Variants in USP19 observed in about 807,000 individuals in gnomAD.
The protein encoded by USP19 is ubiquitin specific peptidase 19, also known as ubiquitin carboxyl-terminal hydrolase 19.
In USP19, 40 loss-of-function variants were observed where a neutral mutation model predicts 144.8. That is an observed-to-expected ratio of 0.28 (90% CI 0.21 to 0.36). The LOEUF is 0.36. USP19 is among the 10% of genes least tolerant of loss of function. The probability of loss-of-function intolerance (pLI) is 1.00; values close to 1 mark genes in which losing one functional copy is unlikely to be tolerated. For synonymous variants in USP19, 701 were observed against 709.3 expected (o/e 0.99, Z 0.19); for missense variants, 1,518 against 1,822.5 (o/e 0.83, Z 3.04).
At position 49,110,233 on chromosome 3, in the gene USP19, G is replaced by A. The variant is rs751504177; in HGVS notation, c.3989C>T (p.Ser1330Phe). Residue 1330 changes from serine to phenylalanine, a missense_variant, in exon 26 of 27, where the codon TCT (serine) becomes TTT (phenylalanine). By Grantham distance (155) the Ser-to-Phe change is radical. Coordinates refer to ENST00000417901, the MANE Select transcript of USP19 (RefSeq NM_001199161.2). This position sits in a 1 kb window ranked among gnomAD's most constrained non-coding sequence, Gnocchi z 6.1. ...AGGGCCTAGGTCTGGGTGGTGCTCA[G>A]AGTGACCTGCCCTGGGGGGCCTCTC... is the stretch of plus-strand genomic sequence containing the variant. ...PVERPPRAGH[S>F]EHHPDLGPAA... 2 of 1,578,702 alleles carry A rather than the reference G, an allele frequency of 1.3e-6. No individual in the cohort carries two copies.
rs1429240441 is a variant in USP19 at position 49,111,742 on chromosome 3, C to T, written c.2975G>A (p.Cys992Tyr). The change falls in exon 21 of 27, where the codon TGC becomes TAC. Residue 992 changes from cysteine to tyrosine, a missense_variant. Cys to Tyr is a radical substitution (Grantham distance 194). Transcript: ENST00000417901. This position sits in a 1 kb window ranked among gnomAD's most constrained non-coding sequence, Gnocchi z 5.9. ...RMALESQSPG[C>Y]TTLLSTGSLE... ...GGAACCTGTGGAGAGCAGTGTGGTG[C>T]AGCCAGGGCTCTGAGACTCCAAGGC... 2 of 1,559,746 alleles carry T rather than the reference C, an allele frequency of 1.3e-6. No individual in the cohort carries two copies. The highest frequency in any genetic ancestry group is 2.3e-5 in the East Asian group (1 of 44,390).
chr3:49,120,248 G>A (rs2044976033), intron 1 of USP19, among the ~76,000 whole-genome samples: 1 of 152,196 alleles, frequency 6.6e-6, no homozygotes. Flanking sequence ...TCCCCTAAGT[G>A]TGTAAAGGAG....
At chr3:49,109,109 CCCCAGGGA>C (rs1559981834) in intron 26 of USP19, 3 of 1,570,524 alleles carry the variant, frequency 1.9e-6, no homozygotes, top group East Asian at 2.3e-5. Context: ...GTCTTGGGGC[CCCCAGGGA>C]CCCAGGGGCC....
At chr3:49,119,591 G>A (rs903225143) in intron 1 of USP19, among the ~76,000 whole-genome samples, 4 of 152,200 alleles carry the variant, frequency 2.6e-5, no homozygotes, top group African/African-American at 7.2e-5. Flanking sequence ...GAGGAGCCAC[G>A]GCTCCAGCCC....
In USP19 at chr3:49,116,635, A is replaced by G. The variant is rs200322883; in HGVS notation, c.1127-28T>C. The G allele has an allele frequency of 2.0e-3, 3,273 of 1,613,800 alleles. 6 individuals are homozygous for G. Among genetic ancestry groups the G allele is most frequent in the Non-Finnish European group, 2.7e-3 (3,143 of 1,179,820 alleles). ...ATATTGAGACCATGGCTCAGCCCCA[A>G]CCAGGACAGGTTCCAGCCTATTGCT... On this transcript the variant is annotated intron_variant, in intron 7 of 26. Transcript: ENST00000417901. This position sits in a 1 kb window ranked among gnomAD's most constrained non-coding sequence, Gnocchi z 5.0.
chr3:49,114,884 G>C lies in USP19; in HGVS notation c.2182-11C>G. ...TTCCTCAGCTACCACCTGAGAGGCA[G>C]AGTGGTGAGAACCAAAGAGTACCAG... On this transcript the variant is annotated splice_polypyrimidine_tract_variant and intron_variant, in intron 14 of 26. Coordinates refer to ENST00000417901, the MANE Select transcript of USP19 (RefSeq NM_001199161.2). The surrounding 1 kb of genome is among the most constrained non-coding windows in gnomAD (Gnocchi z 4.5). 1 of 1,614,168 alleles carries C rather than the reference G, an allele frequency of 6.2e-7. No homozygotes were observed. The highest frequency in any genetic ancestry group is 1.7e-5 in the Admixed American group (1 of 60,016).
rs748807305 is a variant in USP19 at position 49,116,813 on chromosome 3, G to A, written c.1040C>T (p.Ala347Val). The A allele has an allele frequency of 1.2e-6, 2 of 1,613,970 alleles. No individual in the cohort carries two copies. The highest frequency in any genetic ancestry group is 1.7e-5 in the Admixed American group (1 of 60,000). ...VPPGNDPVSP[A>V]MVRSRNPGKD... ...CCCAGGGTTTCTGCTCCGGACCATG[G>A]CTGGAGAGACTGGGTCATTCCCGGG... is the stretch of plus-strand genomic sequence containing the variant. The change falls in exon 7 of 27, where the codon GCC becomes GTC. Residue 347 changes from alanine to valine, a missense_variant. Around this residue, in one of 5 missense-constraint regions of USP19, gnomAD observed 707 missense variants for 728.9 expected, o/e 0.97. Coordinates refer to ENST00000417901, the MANE Select transcript of USP19 (RefSeq NM_001199161.2). The surrounding 1 kb of genome is among the most constrained non-coding windows in gnomAD (Gnocchi z 5.0).
At position 49,115,013 on chromosome 3, in the gene USP19, G is replaced by C; in HGVS notation, c.2127C>G (p.Arg709=). 3 of 1,614,148 alleles carry C rather than the reference G, an allele frequency of 1.9e-6. No homozygotes were observed. Among genetic ancestry groups the C allele is most frequent in the Non-Finnish European group, 2.5e-6 (3 of 1,180,028 alleles). The part of the protein sequence containing the change: ...LLDGLHEDLN[R]IQNKPYTETV... The stretch of plus-strand genomic sequence containing the variant: ...TCTCTGTGTAGGGCTTGTTCTGAAT[G>C]CGATTCAGGTCCTCGTGCAGCCCAT... Residue 709 remains arginine (R), a synonymous_variant, in exon 14 of 27, where the codon CGC becomes CGG. Transcript: ENST00000417901. The surrounding 1 kb of genome is among the most constrained non-coding windows in gnomAD (Gnocchi z 6.6).
chr3:49,109,218 G>T lies in USP19; in HGVS notation c.4039-690C>A, dbSNP rs547689868. On this transcript the variant is annotated intron_variant, in intron 26 of 26. Transcript: ENST00000417901. ...ATGTGGAAACGGCCATCAGCACCCC[G>T]GGGGTGGGGAGGACCCAGTGTCCCT... The T allele has an allele frequency of 2.0e-5, 29 of 1,452,758 alleles. No homozygotes were observed. The Admixed American group carries it at 2.6e-4, about 13-fold the overall frequency. 90.0% of individuals were successfully genotyped at this position (1,452,758 alleles called of 1,614,324 possible). A position where few individuals can be genotyped will look rare whatever the true frequency, so the allele number is the denominator to read the frequency against.
Position 49,111,798 on chromosome 3 carries a change from T to C in USP19, c.2919A>G (p.Val973=), listed in dbSNP as rs777770488. The change falls in exon 21 of 27, where the codon GTA becomes GTG. Residue 973 remains valine (V), a synonymous_variant. Transcript: ENST00000417901. This position sits in a 1 kb window ranked among gnomAD's most constrained non-coding sequence, Gnocchi z 5.9. ...GGCCTGGCTGAAAGGGTGGCTGGAA[T>C]ACACTCACAGAGTACCTGGCAACAG... The part of the protein sequence containing the change: ...LEGYARYSVS[V]FQPPFQPGRM... The C allele has an allele frequency of 6.4e-7, 1 of 1,562,250 alleles. No individual in the cohort carries two copies. Among genetic ancestry groups the C allele is most frequent in the Non-Finnish European group, 8.7e-7 (1 of 1,152,436 alleles).
chr3:49,112,211 G>C lies in USP19; in HGVS notation c.2765+73C>G. On this transcript the variant is annotated intron_variant, in intron 19 of 26. Transcript: ENST00000417901. The surrounding 1 kb of genome is among the most constrained non-coding windows in gnomAD (Gnocchi z 4.9). ...AGAAAGCTTAAGCATATGTGCCTTG[G>C]TGTGAAGGGAAGGAGCAGGGTGGCA... The C allele has an allele frequency of 1.9e-6, 3 of 1,556,302 alleles. No individual in the cohort carries two copies. Among genetic ancestry groups the C allele is most frequent in the South Asian group, 2.3e-5 (2 of 85,604 alleles).
chr3:49,119,234 A>G lies in USP19; in HGVS notation c.-89T>C. 1 of 1,508,058 alleles carries G rather than the reference A, an allele frequency of 6.6e-7. No individual in the cohort carries two copies. Among genetic ancestry groups the G allele is most frequent in the East Asian group, 2.3e-5 (1 of 43,696 alleles). 93.4% of individuals were successfully genotyped at this position (1,508,058 alleles called of 1,614,324 possible). On this transcript the variant is annotated 5_prime_UTR_variant, in exon 2 of 27. Transcript: ENST00000417901. ...GCGGCGCTTTCTTCCTGGCCCAGCT[A>G]TCTTGGCAACTCTTTGTGGCCAAAT...
Position 49,108,875 on chromosome 3 carries a change from C to T in USP19, c.4039-347G>A. The T allele has an allele frequency of 1.3e-6, 2 of 1,505,334 alleles. No homozygotes were observed. Among genetic ancestry groups the T allele is most frequent in the South Asian group, 1.4e-5 (1 of 74,000 alleles). The allele number at this position is 1,505,334 out of a possible 1,614,324, so 93.2% of individuals were successfully genotyped here. A position where few individuals can be genotyped will look rare whatever the true frequency, so the allele number is the denominator to read the frequency against. On this transcript the variant is annotated intron_variant, in intron 26 of 26. Coordinates refer to ENST00000417901, the MANE Select transcript of USP19 (RefSeq NM_001199161.2). This position sits in a 1 kb window ranked among gnomAD's most constrained non-coding sequence, Gnocchi z 4.8. The stretch of plus-strand genomic sequence containing the variant: ...AGATGCATAAGCTGAGGCCCAAAGC[C>T]CAGAGGTGTTCCCCACAACAAAGGC...
At chr3:49,118,254 A>T in intron 2 of USP19, 134 bp from the exon 3 acceptor site, 11 of 339,914 alleles carry the variant, frequency 3.2e-5, no homozygotes, top group South Asian at 6.5e-5. Flanking sequence ...TGCAAGAGTG[A>T]GACCCTGCCT....
rs972170595 is a variant in USP19 at position 49,116,078 on chromosome 3, G to C, written c.1440C>G (p.Arg480=). ...CAGCCGGGGCCTCCAGGCCCCCCCA[G>C]CGCTGACTCTGCCTCTTACGAAGGC... ...DICLRKRQSQ[R]WGGLEAPAAR... is the part of the protein sequence containing the mutation. Residue 480 remains arginine (R), a synonymous_variant, in exon 10 of 27, where the codon CGC becomes CGG. Transcript: ENST00000417901. The surrounding 1 kb of genome is among the most constrained non-coding windows in gnomAD (Gnocchi z 5.0). 1.2e-6 allele frequency: 2 copies of C among 1,611,480 alleles called. No individual in the cohort carries two copies. The highest frequency in any genetic ancestry group is 1.3e-5 in the African/African-American group (1 of 74,720).
chr3:49,116,977 C>T lies in USP19; in HGVS notation c.910-34G>A. ...GGCAAGATTGTGGAAAGAATCAGCCCTGGGTCTGCCAGGTGGCTCCCACTC... is the reference window on the plus strand; with the variant it reads ...GGCAAGATTGTGGAAAGAATCAGCCTTGGGTCTGCCAGGTGGCTCCCACTC... On this transcript the variant is annotated intron_variant, in intron 6 of 26. Transcript: ENST00000417901. The surrounding 1 kb of genome is among the most constrained non-coding windows in gnomAD (Gnocchi z 5.0). 8.8e-6 allele frequency: 14 copies of T among 1,598,264 alleles called. No homozygotes were observed. Among genetic ancestry groups the T allele is most frequent in the Non-Finnish European group, 1.1e-5 (13 of 1,170,884 alleles).
At position 49,110,245 on chromosome 3, in the gene USP19, C is replaced by G; in HGVS notation, c.3977G>C (p.Arg1326Thr). The stretch of plus-strand genomic sequence containing the variant: ...TGGGTGGTGCTCAGAGTGACCTGCC[C>G]TGGGGGGCCTCTCCACAGGAGAGTT... ...RRNSPVERPP[R>T]AGHSEHHPDL... Residue 1326 changes from arginine (R) to threonine (T), a missense_variant, in exon 26 of 27, where the codon AGG becomes ACG. Transcript: ENST00000417901. The surrounding 1 kb of genome is among the most constrained non-coding windows in gnomAD (Gnocchi z 6.1). The G allele has an allele frequency of 1.3e-6, 2 of 1,592,862 alleles. No homozygotes were observed. The highest frequency in any genetic ancestry group is 1.7e-6 in the Non-Finnish European group (2 of 1,168,096).
Position 49,117,902 on chromosome 3 carries a change from G to GC in USP19, c.298+44dup. The GC allele has an allele frequency of 6.2e-7, 1 of 1,613,060 alleles. No homozygotes were observed. Among genetic ancestry groups the GC allele is most frequent in the Non-Finnish European group, 8.5e-7 (1 of 1,179,720 alleles). On this transcript the variant is annotated intron_variant, in intron 3 of 26. Coordinates refer to ENST00000417901, the MANE Select transcript of USP19 (RefSeq NM_001199161.2). This position sits in a 1 kb window ranked among gnomAD's most constrained non-coding sequence, Gnocchi z 4.4. ...TTCAGATGGGAGCCAAATTGCAAGTGCCCCCTCCCCTTCCCTAGCAACAAA... is the reference window on the plus strand; with the variant it reads ...TTCAGATGGGAGCCAAATTGCAAGTGCCCCCCTCCCCTTCCCTAGCAACAAA...
chr3:49,111,662 C>G lies in USP19; in HGVS notation c.3055G>C (p.Val1019Leu). ...DPIQPPELQL[V>L]TPMAEGDTGL... ...GTGTCCCCCTCAGCCATAGGGGTCA[C>G]CAGCTGGAGCTCAGGTGGCTGAATG... The change falls in exon 21 of 27, where the codon GTG (valine) becomes CTG (leucine). Residue 1019 changes from valine to leucine, a missense_variant. Val to Leu is a conservative substitution (Grantham distance 32). Coordinates refer to ENST00000417901, the MANE Select transcript of USP19 (RefSeq NM_001199161.2). This position sits in a 1 kb window ranked among gnomAD's most constrained non-coding sequence, Gnocchi z 5.9. The G allele has an allele frequency of 1.2e-6, 2 of 1,603,384 alleles. No individual in the cohort carries two copies. The highest frequency in any genetic ancestry group is 1.1e-5 in the South Asian group (1 of 89,982).
Sources: gnomAD v4.1 joint callset for allele counts (sites outside exome capture counted in the v4.1 genomes callset) on GRCh38, gnomAD v4.1.1 for gene constraint, gnomAD v4.1.1 regional missense constraint, Gnocchi (gnomAD v3.1) non-coding constraint, MANE v1.5 for transcripts, NCBI Gene and HGNC (gene_info 2026-07-23, HGNC 2026-07-21) for gene names.